The following ECT2 variants were observed in gnomAD, a reference collection of about 807,000 sequenced individuals.
The protein encoded by ECT2 is protein ECT2.
A neutral mutation model predicts 116.9 loss-of-function variants in ECT2; 61 were observed. The observed-to-expected ratio is 0.52, with a 90% confidence interval of 0.42 to 0.65. The LOEUF is 0.65. Ranked by LOEUF, ECT2 falls within the 30% of genes least tolerant of loss-of-function variation. ECT2 has a pLI of 0.00. For missense variants in ECT2, 937 were observed against 1,078.7 expected (o/e 0.87, Z 1.84); for synonymous variants, 358 against 346.4 (o/e 1.03, Z -0.37).
intron 18 of ECT2, among the ~76,000 whole-genome samples, chr3:172,792,085 A>G (rs1349966568): frequency 6.6e-6 from 1 of 152,146 alleles, no homozygotes; most frequent in African/African-American, 2.4e-5. Flanking sequence ...ACACACACAC[A>G]CTTATCAATT....
intron 13 of ECT2, among the ~76,000 whole-genome samples, chr3:172,772,557 T>C (rs1189756429): frequency 6.6e-6 from 1 of 152,202 alleles, no homozygotes; most frequent in Non-Finnish European, 1.5e-5. Context: ...AAATGCTTTT[T>C]TGTCATTCAT....
At chr3:172,757,312 C>T (rs1717187829) in intron 5 of ECT2, 147 bp downstream of exon 5, 1 of 558,340 alleles carries the variant, frequency 1.8e-6, no homozygotes, top group Non-Finnish European at 2.9e-6. Flanking sequence ...CTAATGTGGT[C>T]CTTTAATTCC....
chr3:172,815,623 C>T lies in ECT2; in HGVS notation c.2420C>T (p.Ala807Val). ...KADAENLIYT[A>V]DPESFEVNTK... ...CAATAGGAGAATCTTATTTATACTG[C>T]TGATCCAGAATCCTTTGAAGTAAAT... Residue 807 changes from alanine (A) to valine (V), a missense_variant, in exon 23 of 25, where the codon GCT (alanine) becomes GTT (valine). By Grantham distance (64) the Ala-to-Val change is moderately conservative. Coordinates refer to ENST00000392692, the MANE Select transcript of ECT2 (RefSeq NM_001258315.2). 1 of 1,590,200 alleles carries T rather than the reference C, an allele frequency of 6.3e-7. No homozygotes were observed. The highest frequency in any genetic ancestry group is 1.2e-5 in the South Asian group (1 of 86,098).
intron 24 of ECT2, among the ~76,000 whole-genome samples, chr3:172,817,641 C>G (rs1369178469): frequency 2.6e-5 from 4 of 152,134 alleles, no homozygotes; most frequent in Admixed American, 6.6e-5. Flanking sequence ...GTTTCCTGAA[C>G]AATCCAAATT....
intron 24 of ECT2, 81 bp from the exon 25 acceptor site, chr3:172,820,067 A>G (rs762832532): frequency 5.0e-5 from 46 of 928,874 alleles, no homozygotes; most frequent in Non-Finnish European, 6.8e-5. Flanking sequence ...ATGTAAAAAT[A>G]ATAGGCATGA....
At chr3:172,788,703 A>T (rs1279224448) in intron 18 of ECT2, among the ~76,000 whole-genome samples, 3 of 152,226 alleles carry the variant, frequency 2.0e-5, no homozygotes, top group Non-Finnish European at 4.4e-5. Context: ...ATAGCCTGTG[A>T]ATTGTGCAGT....
At chr3:172,773,590 T>A (rs1362728641) in intron 13 of ECT2, among the ~76,000 whole-genome samples, 3 of 152,246 alleles carry the variant, frequency 2.0e-5, no homozygotes. Context: ...CCTTAGTAAC[T>A]TGAATACAAA....
chr3:172,757,640 C>T (rs576909209), intron 5 of ECT2, among the ~76,000 whole-genome samples: 2 of 152,118 alleles, frequency 1.3e-5, no homozygotes, highest in African/African-American at 2.4e-5. Flanking sequence ...TGGTCTTGAT[C>T]TCCTGACCTC....
the ECT2 span, chr3:172,828,729 C>G: frequency 1.9e-6 from 1 of 521,386 alleles, no homozygotes; most frequent in Non-Finnish European, 3.5e-6. Flanking sequence ...CCCCATGGAG[C>G]CTCACGTGGC....
Position 172,820,806 on chromosome 3 carries a change from A to G in ECT2, c.*569A>G, listed in dbSNP as rs546483884. The G allele has an allele frequency of 6.6e-6, 1 of 152,110 alleles. No homozygotes were observed. The highest frequency in any genetic ancestry group is 2.4e-5 in the African/African-American group (1 of 41,566). The allele number at this position is 152,110 out of a possible 1,614,324, so 9.4% of individuals were successfully genotyped here. On this transcript the variant is annotated 3_prime_UTR_variant, in exon 25 of 25. Transcript: ENST00000392692. ...TTTCAAGATCTAGCATGTGGATTTT[A>G]AAAGATTTGCCCTCATTAACAAGAA...
chr3:172,761,769 C>T (rs1718351270), intron 8 of ECT2, 86 bp downstream of exon 8: 1 of 899,314 alleles, frequency 1.1e-6, no homozygotes, highest in South Asian at 1.9e-5. Flanking sequence ...AAAGTAATTT[C>T]ATAGATATAA....
rs1279650344 is a variant in ECT2, at chr3:172,784,814, G to C, written c.1825+11G>C. ...CATTACTTTTAAATGGTACTTGTCT[G>C]ATCTGTTTCAAACTACATCAGATAT... On this transcript the variant is annotated intron_variant, in intron 17 of 24. Transcript: ENST00000392692. The C allele has an allele frequency of 2.0e-6, 3 of 1,504,392 alleles. No individual in the cohort carries two copies. The highest frequency in any genetic ancestry group is 2.7e-6 in the Non-Finnish European group (3 of 1,092,206). The allele number at this position is 1,504,392 out of a possible 1,614,324, so 93.2% of individuals were successfully genotyped here.
rs192893416 is a variant in ECT2, at chr3:172,814,090, C to G, written c.2401-1514C>G. 4.4e-4 allele frequency among the ~76,000 whole-genome samples: 67 copies of G among 152,030 alleles called. No individual in the cohort carries two copies. The Middle Eastern group carries it at 0.024, about 54-fold the overall frequency. ...AACTGATTTGTACAGGATAAGCAACCTAGAGTTATTTAGCAAATTGATCAA... is the reference window on the plus strand; with the variant it reads ...AACTGATTTGTACAGGATAAGCAACGTAGAGTTATTTAGCAAATTGATCAA... On this transcript the variant is annotated intron_variant, in intron 22 of 24. Transcript: ENST00000392692.
chr3:172,793,336 T>A (rs1041574339), intron 18 of ECT2, among the ~76,000 whole-genome samples: 27 of 151,522 alleles, frequency 1.8e-4, no homozygotes, highest in African/African-American at 6.6e-4. Context: ...AGCTAATTTT[T>A]GTATTTTTAG....
chr3:172,776,198 C>CTT (rs60558773), intron 14 of ECT2, among the ~76,000 whole-genome samples: 1,530 of 111,358 alleles, frequency 0.014, 73 homozygotes, highest in African/African-American at 0.049. Context: ...TCAGTTTTTT[C>CTT]TTTTTTTTTT....
chr3:172,797,618 G>A (rs1364496240), intron 18 of ECT2, among the ~76,000 whole-genome samples: 1 of 152,092 alleles, frequency 6.6e-6, no homozygotes, highest in Non-Finnish European at 1.5e-5. Flanking sequence ...TTGAATTCAA[G>A]TGCTCTTTTC....
intron 18 of ECT2, among the ~76,000 whole-genome samples, chr3:172,800,727 A>G (rs1466811341): frequency 6.6e-6 from 1 of 152,192 alleles, no homozygotes; most frequent in Non-Finnish European, 1.5e-5. Context: ...TTGGGTCATC[A>G]GAAATGATGA....
At chr3:172,754,274 T>C (rs904837127) in intron 1 of ECT2, among the ~76,000 whole-genome samples, 1 of 152,198 alleles carries the variant, frequency 6.6e-6, no homozygotes, top group Non-Finnish European at 1.5e-5. Flanking sequence ...TCTAGTAATG[T>C]TCTATGTGCT....
At chr3:172,767,311 T>G (rs1719638259) in intron 12 of ECT2, among the ~76,000 whole-genome samples, 2 of 151,902 alleles carry the variant, frequency 1.3e-5, no homozygotes, top group South Asian at 4.1e-4. Context: ...TGTGGTGGTG[T>G]GCGCCTGTAA....
Sources: allele counts gnomAD v4.1 joint callset (sites outside exome capture counted in the v4.1 genomes callset), GRCh38; gene constraint gnomAD v4.1.1; transcripts MANE v1.5; gene names NCBI Gene and HGNC (gene_info 2026-07-23, HGNC 2026-07-21).